SAMD4A: variants seen among roughly 807,000 people sequenced by gnomAD.
SAMD4A encodes the protein protein Smaug homolog 1.
Under a neutral mutation model 81.3 loss-of-function variants are expected in SAMD4A, and 33 were observed. The ratio of observed to expected loss-of-function variants is 0.41; its 90% confidence interval spans 0.31 to 0.54. The LOEUF (loss-of-function observed/expected upper bound fraction) is 0.54, where lower values mean the gene tolerates loss of function less well. Ranked by LOEUF, SAMD4A falls within the 20% of genes least tolerant of loss-of-function variation. The pLI, the probability that SAMD4A is intolerant of heterozygous loss-of-function variation, is 0.37. For missense variants in SAMD4A, 854 were observed against 951.1 expected (o/e 0.90, Z 1.34); for synonymous variants, 389 against 382.1 (o/e 1.02, Z -0.21).
intron 9 of SAMD4A, among the ~76,000 whole-genome samples, chr14:54,773,374 C>G (rs2038755365): frequency 6.6e-6 from 1 of 152,198 alleles, no homozygotes; most frequent in African/African-American, 2.4e-5. Flanking sequence ...ACAAACCTCC[C>G]CTGTGTCGCT....
intron 4 of SAMD4A, among the ~76,000 whole-genome samples, chr14:54,748,444 T>G (rs984058165): frequency 5.9e-5 from 9 of 152,238 alleles, no homozygotes; most frequent in African/African-American, 2.2e-4. Context: ...CCCTGCCATC[T>G]TTTTGGTCAT....
Position 54,567,169 on chromosome 14 carries a change from C to G in SAMD4A, c.-591C>G, listed in dbSNP as rs2032965602. The G allele has an allele frequency of 6.6e-6, 1 of 152,266 alleles. No individual in the cohort carries two copies. The highest frequency in any genetic ancestry group is 2.4e-5 in the African/African-American group (1 of 41,448). The allele number at this position is 152,266 out of a possible 1,614,324, so 9.4% of individuals were successfully genotyped here. A position where few individuals can be genotyped will look rare whatever the true frequency, so the allele number is the denominator to read the frequency against. ...TTTTCTGCGCGGGGAAGATCTGTTG[C>G]TGGTGCTGGCGTTCTTAAGCACGGC... On this transcript the variant is annotated 5_prime_UTR_variant, in exon 1 of 13. Transcript: ENST00000554335.
chr14:54,742,002 G>A (rs1328057320), intron 4 of SAMD4A, among the ~76,000 whole-genome samples: 2 of 152,120 alleles, frequency 1.3e-5, no homozygotes, highest in Non-Finnish European at 2.9e-5. Context: ...ACCTGCTTAG[G>A]TCTACATATT....
chr14:54,618,931 T>C (rs890896959), intron 2 of SAMD4A, among the ~76,000 whole-genome samples: 2 of 152,196 alleles, frequency 1.3e-5, no homozygotes, highest in African/African-American at 4.8e-5. Context: ...ATAGTAGGAC[T>C]AGCATCATAA....
At chr14:54,692,845 C>G (rs1445059817) in intron 2 of SAMD4A, 2 of 147,132 alleles carry the variant, frequency 1.4e-5, no homozygotes, top group Non-Finnish European at 3.0e-5. Context: ...AGACCCATTC[C>G]TATGAGGCCT....
rs2038852934 is a variant in SAMD4A, at chr14:54,776,501, C to T, written c.2005C>T (p.His669Tyr). The stretch of plus-strand genomic sequence containing the variant: ...CCAGAGGACCCGCTCGCTGCCCGTG[C>T]ACACTTCCCCACAGAACATGCTGAT... Reference protein sequence around the residue: ...SVQRTRSLPVHTSPQNMLMFQ... With the variant: ...SVQRTRSLPVYTSPQNMLMFQ... Residue 669 changes from histidine to tyrosine, a missense_variant, in exon 11 of 13, where the codon CAC becomes TAC. His to Tyr is a moderately conservative substitution (Grantham distance 83, BLOSUM62 2). Coordinates refer to ENST00000554335, the MANE Select transcript of SAMD4A (RefSeq NM_015589.6). 1 of 1,592,186 alleles carries T rather than the reference C, an allele frequency of 6.3e-7. No homozygotes were observed.
At chr14:54,716,104 G>C (rs1274960009) in intron 3 of SAMD4A, among the ~76,000 whole-genome samples, 2 of 152,188 alleles carry the variant, frequency 1.3e-5, no homozygotes, top group Admixed American at 6.5e-5. Context: ...TGTTTTAAGA[G>C]ATCTGATAAA....
At chr14:54,778,339 T>C (rs1000659108) in intron 11 of SAMD4A, among the ~76,000 whole-genome samples, 4 of 152,244 alleles carry the variant, frequency 2.6e-5, no homozygotes, top group African/African-American at 9.6e-5. Context: ...CACCTATACC[T>C]TTGTTTCCCC....
At chr14:54,645,919 T>A (rs1388743105) in intron 2 of SAMD4A, among the ~76,000 whole-genome samples, 1 of 152,268 alleles carries the variant, frequency 6.6e-6, no homozygotes, top group Non-Finnish European at 1.5e-5. Flanking sequence ...TGTGATTCTT[T>A]TGCTTCGCAA....
At chr14:54,700,547 C>T (rs1254995311) in intron 2 of SAMD4A, among the ~76,000 whole-genome samples, 1 of 152,190 alleles carries the variant, frequency 6.6e-6, no homozygotes. Context: ...TTGCTAAGCC[C>T]TTCTGCTAAA....
intron 3 of SAMD4A, chr14:54,734,826 G>A (rs1339606528): frequency 1.3e-5 from 2 of 152,224 alleles, no homozygotes; most frequent in African/African-American, 4.8e-5. Flanking sequence ...ACCTCCCGTG[G>A]TTAGCGATTA....
intron 8 of SAMD4A, among the ~76,000 whole-genome samples, chr14:54,765,952 G>GC (rs1452863526): frequency 6.6e-6 from 1 of 151,694 alleles, no homozygotes; most frequent in African/African-American, 2.4e-5. Context: ...ATTCTTATGT[G>GC]CCCAAGCGGC....
chr14:54,672,283 G>T (rs544577434), intron 2 of SAMD4A, among the ~76,000 whole-genome samples: 44 of 151,974 alleles, frequency 2.9e-4, no homozygotes, highest in Non-Finnish European at 5.3e-4. Context: ...ATGCCTGTCA[G>T]CCACTTAAAT....
chr14:54,774,788 T>C (rs2038794253), intron 9 of SAMD4A, 146 bp from the exon 10 acceptor site: 1 of 729,626 alleles, frequency 1.4e-6, no homozygotes, highest in African/African-American at 2.1e-5. Context: ...CACTCCAACC[T>C]GGGTAACAGA....
intron 2 of SAMD4A, among the ~76,000 whole-genome samples, chr14:54,587,438 C>A (rs1484880970): frequency 6.6e-6 from 1 of 152,146 alleles, no homozygotes; most frequent in Admixed American, 6.5e-5. Context: ...TGTTTGATTG[C>A]TCCAGCTGGG....
chr14:54,577,643 T>C (rs1338365045), intron 2 of SAMD4A, among the ~76,000 whole-genome samples: 2 of 152,218 alleles, frequency 1.3e-5, no homozygotes, highest in African/African-American at 2.4e-5. Flanking sequence ...CCAAAGCCAC[T>C]AAACTCTGTA....
chr14:54,640,990 A>C (rs2035161405), intron 2 of SAMD4A, among the ~76,000 whole-genome samples: 1 of 152,066 alleles, frequency 6.6e-6, no homozygotes, highest in Non-Finnish European at 1.5e-5. Context: ...CCTGCTCTTG[A>C]GCTTCACCTC....
chr14:54,665,230 G>A (rs1464060726), intron 2 of SAMD4A, among the ~76,000 whole-genome samples: 1 of 152,146 alleles, frequency 6.6e-6, no homozygotes, highest in Non-Finnish European at 1.5e-5. Context: ...TATAATTAAG[G>A]CTAATGTGGA....
chr14:54,606,210 T>TGC lies in SAMD4A; in HGVS notation c.196+38099_196+38100insCG, dbSNP rs1555335579. ...GTGTGTGTGTGTGTGTGTGTGTGTGTGTGCGTGCACGTGCACGTGCACGTG... is the reference window on the plus strand; with the variant it reads ...GTGTGTGTGTGTGTGTGTGTGTGTGTGCGTGCGTGCACGTGCACGTGCACGTG... On this transcript the variant is annotated intron_variant, in intron 2 of 12. Coordinates refer to ENST00000554335, the MANE Select transcript of SAMD4A (RefSeq NM_015589.6). Among the ~76,000 whole-genome samples the TGC allele has an allele frequency of 6.4e-3, 960 of 150,438 alleles. 13 individuals carry two copies. Among genetic ancestry groups the TGC allele is most frequent in the African/African-American group, 0.023 (925 of 40,790 alleles).
Sources: allele counts gnomAD v4.1 joint callset (sites outside exome capture counted in the v4.1 genomes callset), GRCh38; gene constraint gnomAD v4.1.1; transcripts MANE v1.5; gene names NCBI Gene and HGNC (gene_info 2026-07-23, HGNC 2026-07-21).